The following LGSN variants were observed in gnomAD, a reference collection of about 807,000 sequenced individuals.
LGSN encodes lengsin.
Under a neutral mutation model 19.5 loss-of-function variants are expected in LGSN, and 21 were observed. The observed-to-expected ratio is 1.07, with a 90% CI of 0.76 to 1.55. The LOEUF (loss-of-function observed/expected upper bound fraction) is 1.55. Ranked by LOEUF, LGSN falls within the 40% of genes most tolerant of loss-of-function variation. LGSN has a pLI of 0.00. For synonymous variants in LGSN, 257 were observed against 215.6 expected (o/e 1.19, Z -1.68); for missense variants, 673 against 608.5 (o/e 1.11, Z -1.12).
At chr6:63,563,449 A>C in the LGSN span, among the ~76,000 whole-genome samples, 4 of 151,680 alleles carry the variant, frequency 2.6e-5, no homozygotes, top group African/African-American at 9.7e-5. Context: ...TCTTTTTGTG[A>C]TTCATTCTCA....
At chr6:63,474,373 C>G in the LGSN span, among the ~76,000 whole-genome samples, 1 of 151,962 alleles carries the variant, frequency 6.6e-6, no homozygotes, top group Non-Finnish European at 1.5e-5. Flanking sequence ...CATTGGGAGG[C>G]CAAGGTGGGC....
At chr6:63,293,725 G>T (rs756547707) in intron 2 of LGSN, 6 of 456,440 alleles carry the variant, frequency 1.3e-5, no homozygotes, top group Non-Finnish European at 1.8e-5. Flanking sequence ...GGGGGCAAAG[G>T]TTTTATCACT....
In LGSN at chr6:63,280,379, C is replaced by G. The variant is rs770572076; in HGVS notation, c.1172G>C (p.Cys391Ser). 1 of 1,614,168 alleles carries G rather than the reference C, an allele frequency of 6.2e-7. No homozygotes were observed. The highest frequency in any genetic ancestry group is 2.2e-5 in the East Asian group (1 of 44,876). Reference protein sequence around the residue: ...PTTWGYNDNSCIFNIKCHGEK... With the variant: ...PTTWGYNDNSSIFNIKCHGEK... ...TCCATGACATTTGATATTAAATATACAGCTGTTGTCATTGTATCCCCATGT... is the reference window on the plus strand; with the variant it reads ...TCCATGACATTTGATATTAAATATAGAGCTGTTGTCATTGTATCCCCATGT... The change falls in exon 4 of 4, where the codon TGT (cysteine) becomes TCT (serine). Residue 391 changes from cysteine (C) to serine (S), a missense_variant. Cys to Ser is a moderately radical substitution (Grantham distance 112). Coordinates refer to ENST00000370657, the MANE Select transcript of LGSN (RefSeq NM_016571.3).
the LGSN span, among the ~76,000 whole-genome samples, chr6:63,360,984 A>T: frequency 6.6e-6 from 1 of 152,238 alleles, no homozygotes; most frequent in Non-Finnish European, 1.5e-5. Flanking sequence ...ATTGGTGAAC[A>T]GCAAATGTTG....
At chr6:63,429,840 C>T in the LGSN span, among the ~76,000 whole-genome samples, 1 of 152,098 alleles carries the variant, frequency 6.6e-6, no homozygotes, top group Non-Finnish European at 1.5e-5. Flanking sequence ...TGCTCCAACA[C>T]ACTTGGCATG....
chr6:63,369,542 A>T, the LGSN span, among the ~76,000 whole-genome samples: 4 of 152,182 alleles, frequency 2.6e-5, no homozygotes, highest in Admixed American at 2.6e-4. Context: ...TTCTGCTTTG[A>T]TTGTTGAACC....
the LGSN span, among the ~76,000 whole-genome samples, chr6:63,470,867 G>A: frequency 1.3e-5 from 2 of 151,634 alleles, no homozygotes; most frequent in Non-Finnish European, 2.9e-5. Flanking sequence ...TCTCTGAGAA[G>A]GGTACTCATC....
At chr6:63,384,803 C>T in the LGSN span, among the ~76,000 whole-genome samples, 3 of 152,166 alleles carry the variant, frequency 2.0e-5, no homozygotes, top group Non-Finnish European at 4.4e-5. Flanking sequence ...CAGGCATGAG[C>T]CACTGAACCC....
the LGSN span, among the ~76,000 whole-genome samples, chr6:63,416,897 T>A: frequency 5.5e-3 from 814 of 148,162 alleles, 4 homozygotes; most frequent in South Asian, 0.026. Flanking sequence ...AATATATATA[T>A]ACACTTTAAA....
chr6:63,553,438 T>C, the LGSN span, among the ~76,000 whole-genome samples: 2 of 152,190 alleles, frequency 1.3e-5, no homozygotes, highest in African/African-American at 4.8e-5. Flanking sequence ...GCTTCCTCCT[T>C]ATAAATAACC....
intron 1 of LGSN, among the ~76,000 whole-genome samples, chr6:63,313,222 CT>C (rs1185393677): frequency 1.3e-5 from 2 of 151,948 alleles, no homozygotes; most frequent in Admixed American, 1.3e-4. Flanking sequence ...ATGGACCATG[CT>C]GCTGAAATGA....
At chr6:63,481,178 A>T in the LGSN span, among the ~76,000 whole-genome samples, 557 of 152,114 alleles carry the variant, frequency 3.7e-3, 5 homozygotes, top group African/African-American at 0.013. Flanking sequence ...GAGTATGCAA[A>T]GGCATACAAA....
At chr6:63,359,301 T>G in the LGSN span, among the ~76,000 whole-genome samples, 6 of 152,216 alleles carry the variant, frequency 3.9e-5, no homozygotes, top group African/African-American at 1.2e-4. Context: ...TCTCTTTTTT[T>G]GTTGTGTCTC....
the LGSN span, among the ~76,000 whole-genome samples, chr6:63,357,850 G>T: frequency 1.3e-5 from 2 of 152,054 alleles, no homozygotes; most frequent in African/African-American, 2.4e-5. Context: ...GATCCCATTT[G>T]TTAATTTTGG....
intron 3 of LGSN, among the ~76,000 whole-genome samples, chr6:63,282,935 T>G (rs1322364561): frequency 6.6e-6 from 1 of 152,214 alleles, no homozygotes; most frequent in East Asian, 1.9e-4. Context: ...TGTATATTAG[T>G]TCTTTACATA....
At chr6:63,288,273 T>TAAATAAC (rs1441604244) in intron 2 of LGSN, among the ~76,000 whole-genome samples, 1 of 134,262 alleles carries the variant, frequency 7.4e-6, no homozygotes, top group Non-Finnish European at 1.7e-5. Flanking sequence ...AAATAAATAA[T>TAAATAAC]AATAATATTC....
chr6:63,390,859 CAAA>C, the LGSN span, among the ~76,000 whole-genome samples: 3 of 50,502 alleles, frequency 5.9e-5, no homozygotes, highest in Non-Finnish European at 8.3e-5. Context: ...GACTCCATCT[CAAA>C]AAAAAAAAAA....
At chr6:63,432,543 T>A in the LGSN span, among the ~76,000 whole-genome samples, 25 of 151,718 alleles carry the variant, frequency 1.6e-4, no homozygotes, top group African/African-American at 5.8e-4. Context: ...TACAAAAAAA[T>A]TAGCCAGGCG....
At chr6:63,298,594 A>C (rs1768070177) in intron 1 of LGSN, among the ~76,000 whole-genome samples, 1 of 152,208 alleles carries the variant, frequency 6.6e-6, no homozygotes, top group Non-Finnish European at 1.5e-5. Context: ...TTTCAATATA[A>C]AAATGGAATC....
Sources: gnomAD v4.1 joint callset for allele counts (sites outside exome capture counted in the v4.1 genomes callset) on GRCh38, gnomAD v4.1.1 for gene constraint, MANE v1.5 for transcripts, NCBI Gene and HGNC (gene_info 2026-07-23, HGNC 2026-07-21) for gene names.